CCSER1: variants seen among roughly 807,000 people sequenced by gnomAD.
CCSER1 encodes the protein serine-rich coiled-coil domain-containing protein 1.
Under a neutral mutation model 82.0 loss-of-function variants are expected in CCSER1, and 41 were observed. The observed-to-expected ratio is 0.50, with a 90% confidence interval of 0.39 to 0.65. CCSER1 has a LOEUF of 0.65. Among genes scored for constraint, CCSER1 ranks in the 30% least tolerant of loss-of-function variants. The pLI, the probability that CCSER1 is intolerant of heterozygous loss-of-function variation, is 0.00. For synonymous variants in CCSER1, 414 were observed against 383.9 expected (o/e 1.08, Z -0.92); for missense variants, 1,119 against 1,064.2 (o/e 1.05, Z -0.72).
chr4:91,028,281 T>C (rs781065148), intron 9 of CCSER1, among the ~76,000 whole-genome samples: 7 of 151,982 alleles, frequency 4.6e-5, no homozygotes, highest in Admixed American at 1.3e-4. Flanking sequence ...TTCTCATCCA[T>C]TATTTAGAAA....
chr4:91,446,507 G>A (rs1206181167), intron 10 of CCSER1, among the ~76,000 whole-genome samples: 3 of 151,348 alleles, frequency 2.0e-5, no homozygotes, highest in East Asian at 3.9e-4. Flanking sequence ...ATTTTAAAAC[G>A]ACATTTTTAA....
chr4:90,421,516 C>T (rs374261790), intron 4 of CCSER1, among the ~76,000 whole-genome samples: 13 of 152,092 alleles, frequency 8.5e-5, no homozygotes, highest in East Asian at 5.8e-4. Context: ...AAGGGAAAAA[C>T]GCTACCTTGA....
At chr4:90,474,205 G>A (rs943631682) in intron 5 of CCSER1, among the ~76,000 whole-genome samples, 4 of 152,038 alleles carry the variant, frequency 2.6e-5, no homozygotes, top group Admixed American at 1.3e-4. Flanking sequence ...TCATTATAAG[G>A]GCTGTAGTAA....
chr4:90,175,449 G>A (rs1369811556), intron 1 of CCSER1, among the ~76,000 whole-genome samples: 1 of 151,846 alleles, frequency 6.6e-6, no homozygotes. Context: ...TGATTGTGGT[G>A]ATGGTTTCAC....
chr4:90,861,242 A>T (rs546136790), intron 8 of CCSER1, among the ~76,000 whole-genome samples: 1 of 151,828 alleles, frequency 6.6e-6, no homozygotes, highest in South Asian at 2.1e-4. Flanking sequence ...TCTACTAATG[A>T]TATGAGAGTT....
At chr4:91,361,315 T>C (rs1349193374) in intron 10 of CCSER1, among the ~76,000 whole-genome samples, 5 of 151,754 alleles carry the variant, frequency 3.3e-5, no homozygotes, top group Admixed American at 3.3e-4. Flanking sequence ...AATTTTACTT[T>C]AGGAAGAAAA....
At chr4:90,388,823 A>G (rs1483177008) in intron 3 of CCSER1, among the ~76,000 whole-genome samples, 1 of 150,426 alleles carries the variant, frequency 6.6e-6, no homozygotes, top group African/African-American at 2.4e-5. Context: ...TTTGGTAGAG[A>G]CTGGGTTTCA....
At chr4:90,554,710 G>A (rs977985653) in intron 5 of CCSER1, among the ~76,000 whole-genome samples, 3 of 152,176 alleles carry the variant, frequency 2.0e-5, no homozygotes, top group Non-Finnish European at 4.4e-5. Flanking sequence ...AGTGTGTAAG[G>A]GAACTTATCT....
At chr4:91,492,919 A>G (rs750751229) in intron 10 of CCSER1, among the ~76,000 whole-genome samples, 5 of 152,052 alleles carry the variant, frequency 3.3e-5, no homozygotes, top group Non-Finnish European at 5.9e-5. Context: ...CATGTGTGAA[A>G]TAATGTTTTA....
chr4:90,701,877 A>C (rs1738226702), intron 6 of CCSER1, among the ~76,000 whole-genome samples: 1 of 152,152 alleles, frequency 6.6e-6, no homozygotes, highest in Admixed American at 6.5e-5. Flanking sequence ...TTTTGGGTTG[A>C]GACGATGGGG....
chr4:90,305,796 A>G (rs1392479724), intron 1 of CCSER1, among the ~76,000 whole-genome samples: 1 of 152,224 alleles, frequency 6.6e-6, no homozygotes, highest in Admixed American at 6.5e-5. Context: ...TAAAGACAGA[A>G]CTACCATATG....
chr4:90,152,025 T>C (rs572314260), intron 1 of CCSER1, among the ~76,000 whole-genome samples: 1 of 152,198 alleles, frequency 6.6e-6, no homozygotes, highest in Non-Finnish European at 1.5e-5. Flanking sequence ...ATATTAGAAT[T>C]TGGTCCTTAA....
At chr4:91,491,647 A>C (rs898301454) in intron 10 of CCSER1, among the ~76,000 whole-genome samples, 1 of 152,144 alleles carries the variant, frequency 6.6e-6, no homozygotes, top group Non-Finnish European at 1.5e-5. Context: ...TTTTTCTAAA[A>C]TGCATGTTTC....
chr4:90,963,772 C>A (rs1056633530), intron 9 of CCSER1, among the ~76,000 whole-genome samples: 4 of 152,000 alleles, frequency 2.6e-5, no homozygotes, highest in Non-Finnish European at 5.9e-5. Context: ...ATTTAAGCCA[C>A]CCAGTCTGTG....
chr4:90,906,582 A>G (rs1725509029), intron 8 of CCSER1, among the ~76,000 whole-genome samples: 1 of 152,134 alleles, frequency 6.6e-6, no homozygotes, highest in Non-Finnish European at 1.5e-5. Flanking sequence ...AAATGCTCAC[A>G]ATCTCCTAAA....
At chr4:90,292,213 T>C (rs1205783518) in intron 1 of CCSER1, among the ~76,000 whole-genome samples, 6 of 151,988 alleles carry the variant, frequency 3.9e-5, no homozygotes, top group Admixed American at 3.9e-4. Context: ...TGGTAATGGC[T>C]TATAACACAT....
At chr4:90,810,925 C>G (rs552743854) in intron 7 of CCSER1, among the ~76,000 whole-genome samples, 2 of 150,832 alleles carry the variant, frequency 1.3e-5, no homozygotes, top group African/African-American at 4.9e-5. Flanking sequence ...GCCCGCCTCC[C>G]GGGTTCACGC....
chr4:91,175,382 C>G (rs1471248173), intron 10 of CCSER1, among the ~76,000 whole-genome samples: 1 of 152,132 alleles, frequency 6.6e-6, no homozygotes, highest in African/African-American at 2.4e-5. Flanking sequence ...GTTCCAGATC[C>G]TTGAGGAATC....
chr4:91,526,353 C>A (rs2110155641), intron 10 of CCSER1, among the ~76,000 whole-genome samples: 1 of 152,278 alleles, frequency 6.6e-6, no homozygotes, highest in South Asian at 2.1e-4. Context: ...AGTCATTCTG[C>A]CTTTCTGGAC....
Sources: allele counts gnomAD v4.1 joint callset (sites outside exome capture counted in the v4.1 genomes callset), GRCh38; gene constraint gnomAD v4.1.1; transcripts MANE v1.5; gene names NCBI Gene and HGNC (gene_info 2026-07-23, HGNC 2026-07-21).